Variants in KANSL1 observed in about 807,000 individuals in gnomAD.
KANSL1 encodes MLL1/MLL complex subunit KANSL1.
A neutral mutation model predicts 103.6 loss-of-function variants in KANSL1; 22 were observed. That is an observed-to-expected ratio of 0.21 (90% confidence interval 0.15 to 0.30). KANSL1 has a LOEUF of 0.30. Among genes scored for constraint, KANSL1 ranks in the 10% least tolerant of loss-of-function variants. The pLI, the probability that KANSL1 is intolerant of heterozygous loss-of-function variation, is 1.00. For synonymous variants in KANSL1, 600 were observed against 527.6 expected, an observed-to-expected ratio of 1.14 and a Z score of -1.88; for missense variants, 1,337 against 1,399.8, an observed-to-expected ratio of 0.96 and a Z score of 0.72.
intron 1 of KANSL1, among the ~76,000 whole-genome samples, chr17:46,182,288 G>A (rs2046830417): frequency 6.6e-6 from 1 of 152,240 alleles, no homozygotes; most frequent in African/African-American, 2.4e-5. Flanking sequence ...CGTGGGGCAT[G>A]ATCCACAAAA....
intron 3 of KANSL1, among the ~76,000 whole-genome samples, chr17:46,092,021 T>C (rs2079412929): frequency 1.3e-5 from 2 of 152,198 alleles, no homozygotes; most frequent in Non-Finnish European, 2.9e-5. Context: ...GGTTTCACCA[T>C]GTTGGCCAGG....
chr17:46,191,750 CA>C (rs1398080972), intron 1 of KANSL1, among the ~76,000 whole-genome samples: 1 of 152,086 alleles, frequency 6.6e-6, no homozygotes, highest in Non-Finnish European at 1.5e-5. Context: ...ACACACACCC[CA>C]AAACAAACAA....
At chr17:46,077,560 T>TTA (rs2078826704) in intron 4 of KANSL1, among the ~76,000 whole-genome samples, 2 of 152,136 alleles carry the variant, frequency 1.3e-5, no homozygotes, top group South Asian at 2.1e-4. Flanking sequence ...TTTCATGATT[T>TTA]TTTTATTTTA....
chr17:46,118,584 A>T (rs891991839), intron 2 of KANSL1, among the ~76,000 whole-genome samples: 1 of 152,210 alleles, frequency 6.6e-6, no homozygotes, highest in Non-Finnish European at 1.5e-5. Flanking sequence ...TTACATTTCT[A>T]GCAGATTTCT....
In KANSL1 at chr17:46,172,070, G is replaced by A; in HGVS notation, c.74C>T (p.Pro25Leu). ...AHHIRFKLAP[P>L]SSTLSPGSAE... ...ACTGCCAGGGGACAAGGTAGAGGAT[G>A]GGGGAGCCAGTTTGAACCGGATATG... The change falls in exon 2 of 15, where the codon CCA (proline) becomes CTA (leucine). Residue 25 changes from proline to leucine, a missense_variant. Pro to Leu is a moderately conservative substitution (Grantham distance 98, BLOSUM62 -3). Around this residue, in one of 2 missense-constraint regions of KANSL1, gnomAD observed 557 missense variants for 476.4 expected, o/e 1.17. Transcript: ENST00000432791. 1 of 1,613,836 alleles carries A rather than the reference G, an allele frequency of 6.2e-7. No individual in the cohort carries two copies. The highest frequency in any genetic ancestry group is 8.5e-7 in the Non-Finnish European group (1 of 1,180,062).
At chr17:46,043,331 G>A (rs1048413022) in intron 7 of KANSL1, 1 of 151,904 alleles carries the variant, frequency 6.6e-6, no homozygotes, top group African/African-American at 2.4e-5. Context: ...ACAGGGATAT[G>A]AGAGACCTGG....
chr17:46,106,478 T>G (rs961504576), intron 2 of KANSL1, among the ~76,000 whole-genome samples: 15 of 152,204 alleles, frequency 9.9e-5, no homozygotes, highest in Non-Finnish European at 2.2e-4. Flanking sequence ...CTGCAACCTC[T>G]GCCTCACGGG....
intron 7 of KANSL1, among the ~76,000 whole-genome samples, chr17:46,048,385 T>C (rs569562861): frequency 1.3e-5 from 2 of 151,708 alleles, no homozygotes; most frequent in African/African-American, 2.4e-5. Flanking sequence ...CTGGCCAACA[T>C]GGTAAAACCC....
chr17:46,039,807 G>A lies in KANSL1; in HGVS notation c.2098C>T (p.Pro700Ser), dbSNP rs1191558275. ...CTGTGCTTAAGCGATAACTTTTTGG[G>A]AGGTTTGATTTTGTCAAAAGGCTTG... is the stretch of plus-strand genomic sequence containing the variant. ...QNKPFDKIKP[P>S]KKLSLKHRAP... is the part of the protein sequence containing the mutation. The change falls in exon 8 of 15, where the codon CCC becomes TCC. Residue 700 changes from proline to serine, a missense_variant. This residue lies in a region of KANSL1 where 780 missense variants were observed against 923.4 expected (regional missense o/e 0.84). Transcript: ENST00000432791. 3.7e-6 allele frequency: 6 copies of A among 1,614,212 alleles called. No homozygotes were observed. The highest frequency in any genetic ancestry group is 5.1e-6 in the Non-Finnish European group (6 of 1,180,046).
intron 2 of KANSL1, among the ~76,000 whole-genome samples, chr17:46,149,192 C>T (rs189501728): frequency 1.0e-3 from 159 of 151,964 alleles, no homozygotes; most frequent in Non-Finnish European, 1.8e-3. Flanking sequence ...TTAGTAGAGA[C>T]GGTGTTTCAC....
Position 46,172,107 on chromosome 17 carries a change from C to G in KANSL1, c.37G>C (p.Ala13Pro). ...TTGAACCGGATATGGTGTGCTTCAG[C>G]TGCTGCGTCAGTGAGAGCGGGCGCC... is the stretch of plus-strand genomic sequence containing the variant. Reference protein sequence around the residue: ...AMAPALTDAAAEAHHIRFKLA... With the variant: ...AMAPALTDAAPEAHHIRFKLA... The change falls in exon 2 of 15, where the codon GCT becomes CCT. Residue 13 changes from alanine (A) to proline (P), a missense_variant. Ala to Pro is a conservative substitution (Grantham distance 27). Around this residue, in one of 2 missense-constraint regions of KANSL1, gnomAD observed 557 missense variants for 476.4 expected, o/e 1.17. Transcript: ENST00000432791. 1 of 1,610,762 alleles carries G rather than the reference C, an allele frequency of 6.2e-7. No homozygotes were observed. Among genetic ancestry groups the G allele is most frequent in the Non-Finnish European group, 8.5e-7 (1 of 1,180,040 alleles).
At position 46,187,652 on chromosome 17, in the gene KANSL1, T is replaced by G. The variant is rs2047093788; in HGVS notation, c.-90+5171A>C. Among the ~76,000 whole-genome samples the G allele has an allele frequency of 2.0e-5, 3 of 152,374 alleles. No individual in the cohort carries two copies. The South Asian group carries it at 6.2e-4, about 32-fold the overall frequency. On this transcript the variant is annotated intron_variant, in intron 1 of 14. Coordinates refer to ENST00000432791, the MANE Select transcript of KANSL1 (RefSeq NM_015443.4). ...AGAGGGCTTTCAAATGTTAACACTG[T>G]GGAAGCAGCTTAAAATCTTGGAAAA...
At chr17:46,089,872 T>G (rs543716531) in intron 3 of KANSL1, among the ~76,000 whole-genome samples, 106 of 152,316 alleles carry the variant, frequency 7.0e-4, no homozygotes, top group South Asian at 6.8e-3. Flanking sequence ...GCTCAAAAAC[T>G]TCTATTAATT....
At chr17:46,112,347 GAAA>G in intron 2 of KANSL1, among the ~76,000 whole-genome samples, 2 of 112,134 alleles carry the variant, frequency 1.8e-5, no homozygotes, top group Non-Finnish European at 1.7e-5. Flanking sequence ...CAGCCTGGGT[GAAA>G]AGAGTGAAAC....
At chr17:46,034,703 G>A (rs1008512762) in intron 10 of KANSL1, 1 of 192,444 alleles carries the variant, frequency 5.2e-6, no homozygotes, top group Non-Finnish European at 1.0e-5. Flanking sequence ...TAAAAGCAAT[G>A]CTTGAAAGCT....
intron 2 of KANSL1, among the ~76,000 whole-genome samples, chr17:46,164,489 G>A (rs937376429): frequency 1.3e-5 from 2 of 152,252 alleles, no homozygotes; most frequent in African/African-American, 4.8e-5. Flanking sequence ...AGTTTACTCA[G>A]CTCTGAAGTA....
chr17:46,128,005 A>C (rs892667264), intron 2 of KANSL1, among the ~76,000 whole-genome samples: 3 of 152,068 alleles, frequency 2.0e-5, no homozygotes, highest in Admixed American at 6.5e-5. Context: ...TGGTACAAAC[A>C]AAGTCTCGCT....
chr17:46,139,643 A>G (rs1315358691), intron 2 of KANSL1, among the ~76,000 whole-genome samples: 1 of 152,242 alleles, frequency 6.6e-6, no homozygotes, highest in East Asian at 1.9e-4. Flanking sequence ...GAAGTCAATC[A>G]TTATGTCTAG....
intron 1 of KANSL1, 93 bp from the exon 2 acceptor site, chr17:46,172,325 A>C: frequency 3.0e-6 from 2 of 664,700 alleles, no homozygotes; most frequent in Non-Finnish European, 2.5e-6. Context: ...GCTGTTGTCT[A>C]AACTGCCTCC....
Sources: gnomAD v4.1 joint callset for allele counts (sites outside exome capture counted in the v4.1 genomes callset) on GRCh38, gnomAD v4.1.1 for gene constraint, gnomAD v4.1.1 regional missense constraint, MANE v1.5 for transcripts, NCBI Gene and HGNC (gene_info 2026-07-23, HGNC 2026-07-21) for gene names.